ARHGAP15: variants seen among roughly 807,000 people sequenced by gnomAD.
The protein encoded by ARHGAP15 is Rho GTPase activating protein 15.
Under a neutral mutation model 63.7 loss-of-function variants are expected in ARHGAP15, and 51 were observed. That is an observed-to-expected ratio of 0.80 (90% CI 0.64 to 1.01). The LOEUF (loss-of-function observed/expected upper bound fraction) is 1.01, where lower values mean the gene tolerates loss of function less well. ARHGAP15 is among the 50% of genes least tolerant of loss of function. The pLI, the probability that ARHGAP15 is intolerant of heterozygous loss-of-function variation, is 0.00. For missense variants in ARHGAP15, 560 were observed against 564.6 expected, an observed-to-expected ratio of 0.99 and a Z score of 0.08; for synonymous variants, 191 against 193.8, an observed-to-expected ratio of 0.99 and a Z score of 0.12.
chr2:143,634,537 CAG>C (rs1363420601), intron 12 of ARHGAP15, among the ~76,000 whole-genome samples: 1 of 152,126 alleles, frequency 6.6e-6, no homozygotes, highest in Non-Finnish European at 1.5e-5. Context: ...AGAATATAAT[CAG>C]AGTGTCCTTT....
chr2:143,581,048 A>C (rs1410639983), intron 11 of ARHGAP15, among the ~76,000 whole-genome samples: 1 of 152,174 alleles, frequency 6.6e-6, no homozygotes, highest in Non-Finnish European at 1.5e-5. Context: ...TCTCATTTTA[A>C]GCTAAAGGAA....
At position 143,315,213 on chromosome 2, in the gene ARHGAP15, AATTG is replaced by A. The variant is rs555191504; in HGVS notation, c.474+64616_474+64619del. ...ATTTATGTAACTAGCAGATGCTATTAATTGATAATCACCATTTATAGCCTTATAC... is the reference window on the plus strand; with the variant it reads ...ATTTATGTAACTAGCAGATGCTATTAATAATCACCATTTATAGCCTTATAC... On this transcript the variant is annotated intron_variant, in intron 6 of 13. Transcript: ENST00000295095. 3.9e-5 allele frequency among the ~76,000 whole-genome samples: 6 copies of A among 152,340 alleles called. 1 individual carries two copies. The South Asian group carries it at 1.2e-3, about 32-fold the overall frequency.
At chr2:143,700,964 G>T (rs953868552) in intron 12 of ARHGAP15, among the ~76,000 whole-genome samples, 12 of 152,202 alleles carry the variant, frequency 7.9e-5, no homozygotes, top group African/African-American at 2.9e-4. Context: ...ATGAGGTCTG[G>T]TATAGGCTAT....
At chr2:143,666,856 T>A (rs62170308) in intron 12 of ARHGAP15, among the ~76,000 whole-genome samples, 66 of 146,760 alleles carry the variant, frequency 4.5e-4, no homozygotes, top group African/African-American at 1.3e-3. Context: ...AATGCAAATC[T>A]AAACCGCAAT....
intron 5 of ARHGAP15, chr2:143,236,068 A>G (rs1403930072): frequency 2.1e-6 from 3 of 1,409,218 alleles, no homozygotes; most frequent in South Asian, 1.4e-5. Context: ...TCTGCAATTT[A>G]GAACATCCAT....
intron 13 of ARHGAP15, among the ~76,000 whole-genome samples, chr2:143,751,856 C>T (rs6745506): frequency 0.18 from 26,622 of 152,114 alleles, 2,748 homozygotes; most frequent in East Asian, 0.45. Flanking sequence ...ACCTTGCCTC[C>T]GCCCTTTGAT....
rs190875627 is a variant in ARHGAP15 at position 143,135,993 on chromosome 2, A to G, written c.-15+6527A>G. Among the ~76,000 whole-genome samples, 550 of 152,306 alleles carry G rather than the reference A, an allele frequency of 3.6e-3. 5 individuals are homozygous for G. Among genetic ancestry groups the G allele is most frequent in the African/African-American group, 0.013 (527 of 41,580 alleles). On this transcript the variant is annotated intron_variant, in intron 1 of 13. Coordinates refer to ENST00000295095, the MANE Select transcript of ARHGAP15 (RefSeq NM_018460.4). The stretch of plus-strand genomic sequence containing the variant: ...TTCATCATCTCCACTTGAGTGTCTC[A>G]TAGAGACATCAAAGTGAGTATACAG...
At chr2:143,663,603 T>A (rs1426197717) in intron 12 of ARHGAP15, among the ~76,000 whole-genome samples, 1 of 151,964 alleles carries the variant, frequency 6.6e-6, no homozygotes, top group African/African-American at 2.4e-5. Context: ...ATTTTCCAAT[T>A]AAAAGACACA....
At chr2:143,344,322 ACTG>A (rs948165168) in intron 6 of ARHGAP15, 2 of 152,130 alleles carry the variant, frequency 1.3e-5, no homozygotes, top group African/African-American at 2.4e-5. Context: ...TTGTCTCTAA[ACTG>A]CTATTTGTAT....
intron 3 of ARHGAP15, among the ~76,000 whole-genome samples, chr2:143,204,916 A>G (rs1692267566): frequency 6.6e-6 from 1 of 151,846 alleles, no homozygotes; most frequent in African/African-American, 2.4e-5. Context: ...ACCTTTTTAA[A>G]TAGGTCTTCC....
rs75389370 is a variant in ARHGAP15 at position 143,724,264 on chromosome 2, T to C, written c.1244+20740T>C. ...CATCCTAGGTTTATGACTCTAACCG[T>C]GTCACCTTGGATAACAGCTTCTCTG... On this transcript the variant is annotated intron_variant, in intron 13 of 13. Transcript: ENST00000295095. 1.5e-3 allele frequency among the ~76,000 whole-genome samples: 229 copies of C among 152,296 alleles called. 3 individuals are homozygous for C. In the East Asian group the frequency reaches 0.037, roughly 25 times the overall value.
Position 143,491,325 on chromosome 2 carries a change from A to G in ARHGAP15, c.826+3830A>G, listed in dbSNP as rs371421633. Among the ~76,000 whole-genome samples, 21 of 152,214 alleles carry G rather than the reference A, an allele frequency of 1.4e-4. No homozygotes were observed. The South Asian group carries it at 1.4e-3, about 10-fold the overall frequency. On this transcript the variant is annotated intron_variant, in intron 9 of 13. Transcript: ENST00000295095. ...GCCAGACTGCCTTATGTAATCTTTC[A>G]AATAACAGTATTGACATCCAAGTTT...
At chr2:143,484,182 A>G (rs1203936357) in intron 8 of ARHGAP15, among the ~76,000 whole-genome samples, 1 of 152,066 alleles carries the variant, frequency 6.6e-6, no homozygotes, top group Non-Finnish European at 1.5e-5. Flanking sequence ...CCTGGCCAAC[A>G]TAGTAAAACC....
intron 10 of ARHGAP15, among the ~76,000 whole-genome samples, chr2:143,549,077 C>G (rs1382588806): frequency 6.6e-6 from 1 of 152,128 alleles, no homozygotes; most frequent in Non-Finnish European, 1.5e-5. Context: ...AATCACGTAA[C>G]AACTGTTTTA....
At chr2:143,305,117 A>G (rs938554129) in intron 6 of ARHGAP15, among the ~76,000 whole-genome samples, 1 of 152,136 alleles carries the variant, frequency 6.6e-6, no homozygotes, top group Non-Finnish European at 1.5e-5. Flanking sequence ...AAAATGTGGC[A>G]TATATACACC....
chr2:143,536,637 C>A (rs1416950003), intron 10 of ARHGAP15, among the ~76,000 whole-genome samples: 1 of 150,874 alleles, frequency 6.6e-6, no homozygotes, highest in Non-Finnish European at 1.5e-5. Flanking sequence ...GGTTTTTTGT[C>A]CTTGCAATAG....
At chr2:143,167,043 G>A (rs2105037146) in intron 2 of ARHGAP15, among the ~76,000 whole-genome samples, 1 of 152,092 alleles carries the variant, frequency 6.6e-6, no homozygotes, top group South Asian at 2.1e-4. Flanking sequence ...TATATTTGAT[G>A]TCTATAACTA....
intron 12 of ARHGAP15, among the ~76,000 whole-genome samples, chr2:143,646,802 G>A (rs940813236): frequency 3.9e-5 from 6 of 151,974 alleles, no homozygotes; most frequent in African/African-American, 1.4e-4. Context: ...TGCAGTAGAT[G>A]CTCTGACCAC....
At chr2:143,213,205 C>T (rs1161207369) in intron 3 of ARHGAP15, among the ~76,000 whole-genome samples, 2 of 152,092 alleles carry the variant, frequency 1.3e-5, no homozygotes, top group African/African-American at 4.8e-5. Context: ...AATAAGTGTA[C>T]ATCAAGTATT....
Sources: gnomAD v4.1 joint callset for allele counts (sites outside exome capture counted in the v4.1 genomes callset) on GRCh38, gnomAD v4.1.1 for gene constraint, MANE v1.5 for transcripts, NCBI Gene and HGNC (gene_info 2026-07-23, HGNC 2026-07-21) for gene names.